SUN3: variants seen among roughly 807,000 people sequenced by gnomAD.
SUN3 encodes the protein Sad1 and UNC84 domain containing 3.
A neutral mutation model predicts 48.2 loss-of-function variants in SUN3; 36 were observed. That is an observed-to-expected ratio of 0.75 (90% confidence interval 0.57 to 0.99). The LOEUF (loss-of-function observed/expected upper bound fraction) is 0.99. Ranked by LOEUF, SUN3 falls within the 50% of genes least tolerant of loss-of-function variation. The pLI is 0.00. For synonymous variants in SUN3, 148 were observed against 147.9 expected (o/e 1.00, Z 0.00); for missense variants, 419 against 433.1 (o/e 0.97, Z 0.29).
intron 3 of SUN3, among the ~76,000 whole-genome samples, chr7:48,013,528 A>G (rs1324032453): frequency 1.3e-5 from 2 of 152,210 alleles, no homozygotes; most frequent in Non-Finnish European, 2.9e-5. Context: ...AGTTTATCCT[A>G]AGTAATCAAG....
At chr7:47,991,594 CA>C (rs1454584670) in intron 8 of SUN3, among the ~76,000 whole-genome samples, 3 of 126,058 alleles carry the variant, frequency 2.4e-5, no homozygotes, top group Admixed American at 7.8e-5. Flanking sequence ...ACAGTAAAAC[CA>C]AAAAACAAAA....
intron 2 of SUN3, among the ~76,000 whole-genome samples, chr7:48,019,610 G>T (rs1789908769): frequency 1.3e-5 from 2 of 151,976 alleles, no homozygotes; most frequent in South Asian, 2.1e-4. Flanking sequence ...CATCAAAACT[G>T]GTACTGCACA....
Position 47,987,189 on chromosome 7 carries a change from A to T in SUN3, c.*141T>A. On this transcript the variant is annotated 3_prime_UTR_variant, in exon 10 of 10. Coordinates refer to ENST00000297325, the MANE Select transcript of SUN3 (RefSeq NM_001030019.2). The stretch of plus-strand genomic sequence containing the variant: ...ATTTTTTTATTAGTAAAATGCATTT[A>T]CTTTTTACAGGCAAGTATGAACCAC... 1.3e-6 allele frequency: 1 copy of T among 744,750 alleles called. No individual in the cohort carries two copies. The highest frequency in any genetic ancestry group is 2.0e-6 in the Non-Finnish European group (1 of 504,558). The allele number at this position is 744,750 out of a possible 1,614,324, so 46.1% of individuals were successfully genotyped here. A position where few individuals can be genotyped will look rare whatever the true frequency, so the allele number is the denominator to read the frequency against.
chr7:48,035,401 C>A, the SUN3 span: 4 of 625,738 alleles, frequency 6.4e-6, no homozygotes, highest in Admixed American at 7.5e-5. The surrounding 1 kb of genome is among the most constrained non-coding windows in gnomAD (Gnocchi z 4.0). Flanking sequence ...GCCCGCGCTC[C>A]GCTTCCTGCC....
chr7:48,008,692 A>T (rs1789599871), intron 4 of SUN3, among the ~76,000 whole-genome samples: 1 of 152,206 alleles, frequency 6.6e-6, no homozygotes, highest in Admixed American at 6.5e-5. Flanking sequence ...AAGTGAGAGG[A>T]GGCAATTTTT....
rs745872326 is a variant in SUN3 at position 47,996,012 on chromosome 7, AT to A, written c.693+18del. ...CAAAATTCTAAAATAGAAATAAGTG[AT>A]TCTTAATTTAGCTTTACCTGAAGAA... On this transcript the variant is annotated intron_variant, in intron 7 of 9. Coordinates refer to ENST00000297325, the MANE Select transcript of SUN3 (RefSeq NM_001030019.2). The A allele has an allele frequency of 4.4e-6, 6 of 1,371,046 alleles. No homozygotes were observed. The African/African-American group carries it at 7.5e-5, about 17-fold the overall frequency. 84.9% of individuals were successfully genotyped at this position (1,371,046 alleles called of 1,614,324 possible). A position where few individuals can be genotyped will look rare whatever the true frequency, so the allele number is the denominator to read the frequency against.
At chr7:47,989,443 T>C (rs528165656) in intron 8 of SUN3, among the ~76,000 whole-genome samples, 1 of 152,376 alleles carries the variant, frequency 6.6e-6, no homozygotes, top group South Asian at 2.1e-4. Flanking sequence ...TTGTGCTTTT[T>C]GTTCTTCTCT....
the SUN3 span, among the ~76,000 whole-genome samples, chr7:48,034,124 C>T: frequency 1.3e-5 from 2 of 152,148 alleles, no homozygotes. Flanking sequence ...GTGACTTGCA[C>T]AAACAAAAGC....
At chr7:48,001,930 C>T (rs1789389113) in intron 6 of SUN3, among the ~76,000 whole-genome samples, 1 of 152,106 alleles carries the variant, frequency 6.6e-6, no homozygotes, top group African/African-American at 2.4e-5. Flanking sequence ...CTGGATATCC[C>T]AGTAATGGGT....
chr7:47,997,656 G>A (rs912632198), intron 6 of SUN3, among the ~76,000 whole-genome samples: 4 of 152,006 alleles, frequency 2.6e-5, no homozygotes, highest in African/African-American at 4.8e-5. Context: ...AGAGTTGCAC[G>A]GCCACCACAA....
At chr7:47,993,550 C>T (rs1054857047) in intron 8 of SUN3, among the ~76,000 whole-genome samples, 4 of 152,014 alleles carry the variant, frequency 2.6e-5, no homozygotes, top group Non-Finnish European at 5.9e-5. Context: ...GTTAAAGAAG[C>T]CATTCACAAA....
At chr7:48,005,567 G>A (rs867993972) in intron 6 of SUN3, among the ~76,000 whole-genome samples, 2 of 152,090 alleles carry the variant, frequency 1.3e-5, no homozygotes, top group Non-Finnish European at 1.5e-5. Flanking sequence ...ATTTTAATTG[G>A]AAGATATTAG....
rs182657473 is a variant in SUN3 at position 48,010,968 on chromosome 7, G to T, written c.289-1893C>A. ...CTAGGCTTGTGGCTGCATCACTCCAGTCTCTGCCTCTGCCTTTACGTGGTC... is the reference window on the plus strand; with the variant it reads ...CTAGGCTTGTGGCTGCATCACTCCATTCTCTGCCTCTGCCTTTACGTGGTC... On this transcript the variant is annotated intron_variant, in intron 3 of 9. Transcript: ENST00000297325. Among the ~76,000 whole-genome samples, 32 of 149,948 alleles carry T rather than the reference G, an allele frequency of 2.1e-4. 1 individual carries two copies. In the East Asian group the frequency reaches 6.2e-3, roughly 29 times the overall value.
At chr7:48,035,609 C>T in the SUN3 span, 4 of 691,130 alleles carry the variant, frequency 5.8e-6, no homozygotes, top group East Asian at 5.5e-5. The surrounding 1 kb of genome is among the most constrained non-coding windows in gnomAD (Gnocchi z 4.0). Flanking sequence ...GGGCAGCACC[C>T]ACGGAGACCC....
At chr7:47,999,389 G>A (rs989682256) in intron 6 of SUN3, among the ~76,000 whole-genome samples, 2 of 151,998 alleles carry the variant, frequency 1.3e-5, no homozygotes, top group Non-Finnish European at 2.9e-5. Flanking sequence ...AAGCAATCAT[G>A]TTGTCTCTGA....
chr7:48,014,234 G>A (rs1789751913), intron 3 of SUN3, among the ~76,000 whole-genome samples: 1 of 152,206 alleles, frequency 6.6e-6, no homozygotes, highest in African/African-American at 2.4e-5. Context: ...ACCGTGTTGG[G>A]CTGGCTAGAC....
chr7:48,005,118 T>C (rs1396456964), intron 6 of SUN3, among the ~76,000 whole-genome samples: 3 of 152,144 alleles, frequency 2.0e-5, no homozygotes, highest in African/African-American at 2.4e-5. Flanking sequence ...TTGATATAAA[T>C]GCATCAATAC....
At chr7:47,987,862 A>G (rs1481279999) in intron 9 of SUN3, among the ~76,000 whole-genome samples, 1 of 152,104 alleles carries the variant, frequency 6.6e-6, no homozygotes, top group African/African-American at 2.4e-5. Context: ...TAACATAACT[A>G]TTTTCAAATA....
intron 8 of SUN3, among the ~76,000 whole-genome samples, chr7:47,990,119 A>G (rs1789012310): frequency 1.3e-5 from 2 of 152,060 alleles, no homozygotes. Context: ...GAGGATCAGT[A>G]AAAGAGGAAG....
Sources: allele counts gnomAD v4.1 joint callset (sites outside exome capture counted in the v4.1 genomes callset), GRCh38; gene constraint gnomAD v4.1.1; non-coding constraint Gnocchi (gnomAD v3.1); transcripts MANE v1.5; gene names NCBI Gene and HGNC (gene_info 2026-07-23, HGNC 2026-07-21).